The following FAM184A variants were observed in gnomAD, a reference collection of about 807,000 sequenced individuals.
The protein encoded by FAM184A is protein FAM184A.
Under a neutral mutation model 143.8 loss-of-function variants are expected in FAM184A, and 99 were observed. The observed-to-expected ratio is 0.69, with a 90% confidence interval of 0.58 to 0.81. The LOEUF is 0.81. FAM184A is among the 40% of genes least tolerant of loss of function. The pLI is 0.00. For missense variants in FAM184A, 1,217 were observed against 1,310.5 expected (o/e 0.93, Z 1.10); for synonymous variants, 427 against 446.4 (o/e 0.96, Z 0.55).
intron 7 of FAM184A, among the ~76,000 whole-genome samples, chr6:119,004,307 C>CT (rs1419271485): frequency 2.0e-5 from 3 of 152,210 alleles, no homozygotes; most frequent in African/African-American, 7.2e-5. Context: ...GATGGTCTAT[C>CT]TTCCTGTTAT....
At chr6:119,038,529 C>A (rs149886616) in intron 1 of FAM184A, among the ~76,000 whole-genome samples, 440 of 152,280 alleles carry the variant, frequency 2.9e-3, no homozygotes, top group Middle Eastern at 0.021. Flanking sequence ...ACACTCCCAC[C>A]AGCGCCATGA....
At position 118,980,228 on chromosome 6, in the gene FAM184A, C is replaced by T; in HGVS notation, c.2211G>A (p.Glu737=). 6.2e-7 allele frequency: 1 copy of T among 1,614,088 alleles called. No homozygotes were observed. The highest frequency in any genetic ancestry group is 8.5e-7 in the Non-Finnish European group (1 of 1,180,000). Residue 737 remains glutamate (E), a synonymous_variant, in exon 10 of 18, where the codon GAG becomes GAA. Coordinates refer to ENST00000338891, the MANE Select transcript of FAM184A (RefSeq NM_024581.6). ...ATTTGTGTCTTTGCTGATGTTGCTC[C>T]TCTAATTCTTCAAGCTCTTGCGTAA... The part of the protein sequence containing the change: ...QRLTQELEEL[E]EQHQQRHKSL...
chr6:119,048,640 A>G (rs1786626629), intron 1 of FAM184A, among the ~76,000 whole-genome samples: 1 of 152,222 alleles, frequency 6.6e-6, no homozygotes, highest in Non-Finnish European at 1.5e-5. Context: ...ATTGCCACAA[A>G]AAGAATAAAA....
intron 1 of FAM184A, among the ~76,000 whole-genome samples, chr6:119,110,031 C>T (rs905812044): frequency 2.3e-4 from 35 of 152,116 alleles, no homozygotes; most frequent in African/African-American, 8.2e-4. Context: ...GGGGGTTGGG[C>T]GCTGCTTCAC....
intron 1 of FAM184A, among the ~76,000 whole-genome samples, chr6:119,032,355 T>C (rs1163322413): frequency 6.6e-6 from 1 of 152,054 alleles, no homozygotes; most frequent in African/African-American, 2.4e-5. Flanking sequence ...TGAATGTATG[T>C]TCCTATTATA....
chr6:119,087,664 G>C (rs182869922), intron 1 of FAM184A, among the ~76,000 whole-genome samples: 2 of 152,292 alleles, frequency 1.3e-5, no homozygotes, highest in East Asian at 1.9e-4. Flanking sequence ...ATGTGAAATG[G>C]TACAGCCACT....
chr6:119,035,699 T>C (rs904481473), intron 1 of FAM184A, among the ~76,000 whole-genome samples: 2 of 152,178 alleles, frequency 1.3e-5, no homozygotes, highest in Non-Finnish European at 2.9e-5. Flanking sequence ...CAACCTTATC[T>C]TAACCCAGAC....
intron 9 of FAM184A, among the ~76,000 whole-genome samples, chr6:118,988,712 A>G (rs1161994846): frequency 6.6e-6 from 1 of 152,192 alleles, no homozygotes. Context: ...TTCCTAGGAT[A>G]TATTTGGCAA....
At chr6:119,046,841 A>T (rs2114737960) in intron 1 of FAM184A, among the ~76,000 whole-genome samples, 1 of 152,304 alleles carries the variant, frequency 6.6e-6, no homozygotes, top group East Asian at 1.9e-4. Flanking sequence ...ATTTTTAAGA[A>T]TATCCTGCAC....
chr6:119,012,170 A>G (rs1424628090), intron 5 of FAM184A, among the ~76,000 whole-genome samples: 4 of 152,184 alleles, frequency 2.6e-5, no homozygotes, highest in Admixed American at 2.6e-4. Context: ...TAGGCACGGG[A>G]AAAAGCATGT....
At chr6:119,016,136 G>C (rs1341289133) in intron 5 of FAM184A, among the ~76,000 whole-genome samples, 1 of 152,168 alleles carries the variant, frequency 6.6e-6, no homozygotes, top group Non-Finnish European at 1.5e-5. Context: ...TGGGAATGTG[G>C]AGAACCTTTG....
At chr6:119,006,318 T>C in intron 7 of FAM184A, 129 bp downstream of exon 7, 2 of 920,338 alleles carry the variant, frequency 2.2e-6, no homozygotes, top group Non-Finnish European at 3.4e-6. Context: ...TGTAGTACTT[T>C]GTTATGGTAG....
At chr6:119,054,832 C>T (rs531971782) in intron 1 of FAM184A, among the ~76,000 whole-genome samples, 4 of 150,974 alleles carry the variant, frequency 2.6e-5, no homozygotes, top group East Asian at 2.0e-4. Context: ...GGAATATTCA[C>T]GCTTTGAGTC....
chr6:119,082,507 G>A (rs532519247), upstream of FAM184A, among the ~76,000 whole-genome samples: 1 of 152,256 alleles, frequency 6.6e-6, no homozygotes, highest in African/African-American at 2.4e-5. Context: ...AGATACAATG[G>A]GGGTTCAGGC....
At chr6:118,983,985 C>A (rs1473463397) in intron 9 of FAM184A, among the ~76,000 whole-genome samples, 10 of 150,410 alleles carry the variant, frequency 6.6e-5, no homozygotes, top group Admixed American at 6.6e-4. Context: ...CCTGTCTCTA[C>A]TAAAAATACA....
At chr6:119,061,360 CTTTT>C (rs200512615) in intron 1 of FAM184A, among the ~76,000 whole-genome samples, 1 of 150,274 alleles carries the variant, frequency 6.7e-6, no homozygotes, top group Non-Finnish European at 1.5e-5. Context: ...TTCTTTCTTT[CTTTT>C]TTTTTAATAG....
chr6:119,005,220 T>C (rs1260826188), intron 7 of FAM184A: 2 of 152,072 alleles, frequency 1.3e-5, no homozygotes, highest in Non-Finnish European at 2.9e-5. Flanking sequence ...TAAATTCCAA[T>C]TATTTCTTGT....
chr6:118,991,932 T>C (rs942985238), intron 9 of FAM184A, among the ~76,000 whole-genome samples: 1 of 151,368 alleles, frequency 6.6e-6, no homozygotes, highest in African/African-American at 2.4e-5. Flanking sequence ...CCGGCTAATT[T>C]TTTGTATTTT....
At chr6:119,034,747 T>C (rs181729186) in intron 1 of FAM184A, among the ~76,000 whole-genome samples, 13 of 152,270 alleles carry the variant, frequency 8.5e-5, no homozygotes, top group Admixed American at 8.5e-4. Context: ...TCTCAATCCA[T>C]CCTACCTACC....
Sources: gnomAD v4.1 joint callset for allele counts (sites outside exome capture counted in the v4.1 genomes callset) on GRCh38, gnomAD v4.1.1 for gene constraint, MANE v1.5 for transcripts, NCBI Gene and HGNC (gene_info 2026-07-23, HGNC 2026-07-21) for gene names.